Variants in PPFIBP1 observed in about 807,000 individuals in gnomAD.
PPFIBP1 encodes liprin-beta-1.
A neutral mutation model predicts 137.8 loss-of-function variants in PPFIBP1; 112 were observed. That is an observed-to-expected ratio of 0.81 (90% confidence interval 0.70 to 0.95). PPFIBP1 has a LOEUF of 0.95. Ranked by LOEUF, PPFIBP1 falls within the 40% of genes least tolerant of loss-of-function variation. The pLI, the probability that PPFIBP1 is intolerant of heterozygous loss-of-function variation, is 0.00. For synonymous variants in PPFIBP1, 378 were observed against 417.3 expected, an observed-to-expected ratio of 0.91 and a Z score of 1.15; for missense variants, 1,083 against 1,196.6, an observed-to-expected ratio of 0.91 and a Z score of 1.40.
intron 11 of PPFIBP1, among the ~76,000 whole-genome samples, chr12:27,661,278 C>G (rs1319432627): frequency 6.6e-6 from 1 of 152,250 alleles, no homozygotes; most frequent in East Asian, 1.9e-4. Context: ...CTTTTGGGCC[C>G]TGAAGGAGCT....
rs80228516 is a variant in PPFIBP1 at position 27,658,468 on chromosome 12, C to A, written c.812-348C>A. On this transcript the variant is annotated intron_variant, in intron 9 of 29. Coordinates refer to ENST00000228425, the MANE Select transcript of PPFIBP1 (RefSeq NM_003622.4). Reference sequence around the variant, plus strand: ...CATTCAGGAGGACCAGGTATCAAACCGTGATGGAAATATAAAAACAAAGTG... The same window carrying A: ...CATTCAGGAGGACCAGGTATCAAACAGTGATGGAAATATAAAAACAAAGTG... Among the ~76,000 whole-genome samples the A allele has an allele frequency of 4.3e-3, 651 of 152,150 alleles. 7 individuals carry two copies. The highest frequency in any genetic ancestry group is 0.015 in the African/African-American group (610 of 41,510).
At chr12:27,642,110 T>C (rs2058153077) in intron 4 of PPFIBP1, among the ~76,000 whole-genome samples, 2 of 152,230 alleles carry the variant, frequency 1.3e-5, no homozygotes, top group Non-Finnish European at 2.9e-5. Flanking sequence ...TAAGATTCTG[T>C]AATTCTATGA....
chr12:27,582,518 A>G (rs2051242186), intron 2 of PPFIBP1, among the ~76,000 whole-genome samples: 1 of 152,168 alleles, frequency 6.6e-6, no homozygotes, highest in South Asian at 2.1e-4. Flanking sequence ...AGGCATTTCA[A>G]TAGTTCTTAA....
At chr12:27,672,391 G>A (rs772798660) in intron 14 of PPFIBP1, 36 bp from the exon 15 acceptor site, 2 of 1,529,376 alleles carry the variant, frequency 1.3e-6, no homozygotes, top group Admixed American at 3.4e-5. Context: ...TTTTATTCGT[G>A]AAGTTAATAA....
chr12:27,612,960 CA>C (rs1359653019), intron 2 of PPFIBP1, among the ~76,000 whole-genome samples: 6 of 151,950 alleles, frequency 3.9e-5, no homozygotes, highest in Non-Finnish European at 7.4e-5. Context: ...TCATCATCAT[CA>C]TCATCATCAT....
chr12:27,593,964 C>G (rs867913466), intron 2 of PPFIBP1: 13 of 1,428,816 alleles, frequency 9.1e-6, no homozygotes, highest in African/African-American at 1.5e-5. Flanking sequence ...GGGAAATAGC[C>G]CACAGAGAGG....
chr12:27,529,308 T>C (rs1944133286), intron 1 of PPFIBP1, among the ~76,000 whole-genome samples: 1 of 152,230 alleles, frequency 6.6e-6, no homozygotes, highest in Non-Finnish European at 1.5e-5. Flanking sequence ...GTAGGTATGC[T>C]CATTCTTAGT....
At chr12:27,667,450 T>C (rs2059924376) in intron 13 of PPFIBP1, 130 bp downstream of exon 13, 1 of 814,034 alleles carries the variant, frequency 1.2e-6, no homozygotes, top group Non-Finnish European at 1.7e-6. Flanking sequence ...TGAGGTTATA[T>C]AAATAAATTG....
At chr12:27,677,123 C>T (rs1421749585) in intron 19 of PPFIBP1, 27 bp downstream of exon 19, 1 of 1,613,430 alleles carries the variant, frequency 6.2e-7, no homozygotes, top group South Asian at 1.1e-5. Flanking sequence ...TGCCAGCCTT[C>T]ACCAGCACTG....
intron 19 of PPFIBP1, among the ~76,000 whole-genome samples, chr12:27,678,869 A>AC: frequency 6.6e-6 from 1 of 150,940 alleles, no homozygotes; most frequent in South Asian, 2.1e-4. Context: ...AAAAAAAAAA[A>AC]AAAAAAAAAA....
At chr12:27,634,528 T>A (rs769363476) in intron 3 of PPFIBP1, among the ~76,000 whole-genome samples, 7 of 152,220 alleles carry the variant, frequency 4.6e-5, no homozygotes, top group Non-Finnish European at 1.0e-4. Flanking sequence ...ACAGTTTTTC[T>A]AAGCCAGAAA....
chr12:27,593,542 C>A (rs2052794729), intron 2 of PPFIBP1: 2 of 376,984 alleles, frequency 5.3e-6, no homozygotes, highest in Non-Finnish European at 1.0e-5. Context: ...TGGAGGGGAG[C>A]TGCCGTACAG....
In PPFIBP1 at chr12:27,650,252, G is replaced by A. The variant is rs559098736; in HGVS notation, c.603+111G>A. 480 of 891,334 alleles carry A rather than the reference G, an allele frequency of 5.4e-4. 4 individuals carry two copies. The East Asian group carries it at 0.012, about 23-fold the overall frequency. The allele number at this position is 891,334 out of a possible 1,614,324, so 55.2% of individuals were successfully genotyped here. A position where few individuals can be genotyped will look rare whatever the true frequency, so the allele number is the denominator to read the frequency against. On this transcript the variant is annotated intron_variant, in intron 7 of 29. Transcript: ENST00000228425. ...TTGAAATTCCCTGGAGGTGTGCAAGGAAGGCAGTTAATTACTACGTACCAT... is the reference window on the plus strand; with the variant it reads ...TTGAAATTCCCTGGAGGTGTGCAAGAAAGGCAGTTAATTACTACGTACCAT...
At chr12:27,617,334 C>T (rs2055869617) in intron 2 of PPFIBP1, among the ~76,000 whole-genome samples, 2 of 152,324 alleles carry the variant, frequency 1.3e-5, no homozygotes, top group South Asian at 4.1e-4. Context: ...AGGTATGTCT[C>T]TTGGCAGGTG....
At chr12:27,549,563 T>TAAAAAAA (rs529113016) in intron 1 of PPFIBP1, 1 of 126,392 alleles carries the variant, frequency 7.9e-6, no homozygotes, top group African/African-American at 3.0e-5. Context: ...GAACCAGAAT[T>TAAAAAAA]AAAAAAAAAA....
chr12:27,576,253 C>T (rs2050550715), intron 1 of PPFIBP1, among the ~76,000 whole-genome samples: 1 of 151,970 alleles, frequency 6.6e-6, no homozygotes, highest in Admixed American at 6.6e-5. Context: ...CTAATTTTCT[C>T]CTTTCTTATT....
chr12:27,662,955 T>C (rs1453410699), intron 11 of PPFIBP1, among the ~76,000 whole-genome samples: 1 of 152,210 alleles, frequency 6.6e-6, no homozygotes, highest in African/African-American at 2.4e-5. Context: ...TTCTGTGAGT[T>C]GGCTAGGTGA....
chr12:27,604,732 G>GA (rs2054338749), intron 2 of PPFIBP1, among the ~76,000 whole-genome samples: 1 of 152,178 alleles, frequency 6.6e-6, no homozygotes, highest in Non-Finnish European at 1.5e-5. Flanking sequence ...TCTCCTCTAG[G>GA]AAGAGAGCTC....
At position 27,647,774 on chromosome 12, in the gene PPFIBP1, C is replaced by G. The variant is rs143847599; in HGVS notation, c.403C>G (p.Arg135Gly). Residue 135 changes from arginine to glycine, a missense_variant, in exon 6 of 30, where the codon CGA (arginine) becomes GGA (glycine). By Grantham distance (125) the Arg-to-Gly change is moderately radical (BLOSUM62 -2). Transcript: ENST00000228425. ...DQVEAQGEKI[R>G]DLEFCLEEHR... ...GGTGGAGGCTCAGGGAGAGAAGATT[C>G]GAGATTTGGAGTTTTGTCTTGAAGA... 1.9e-6 allele frequency: 3 copies of G among 1,610,308 alleles called. No individual in the cohort carries two copies. Among genetic ancestry groups the G allele is most frequent in the East Asian group, 2.2e-5 (1 of 44,636 alleles).
Sources: allele counts gnomAD v4.1 joint callset (sites outside exome capture counted in the v4.1 genomes callset), GRCh38; gene constraint gnomAD v4.1.1; transcripts MANE v1.5; gene names NCBI Gene and HGNC (gene_info 2026-07-23, HGNC 2026-07-21).